RAD51B: variants seen among roughly 807,000 people sequenced by gnomAD.
RAD51B encodes the protein DNA repair protein RAD51 homolog 2.
Under a neutral mutation model 42.2 loss-of-function variants are expected in RAD51B, and 38 were observed. The observed-to-expected ratio is 0.90, with a 90% CI of 0.70 to 1.18. RAD51B has a LOEUF of 1.18. Ranked by LOEUF, RAD51B falls within the 50% of genes most tolerant of loss-of-function variation. The pLI is 0.00. For synonymous variants in RAD51B, 154 were observed against 145.2 expected, an observed-to-expected ratio of 1.06 and a Z score of -0.43; for missense variants, 373 against 400.7, an observed-to-expected ratio of 0.93 and a Z score of 0.59.
chr14:68,209,491 A>G (rs2079657933), intron 7 of RAD51B, among the ~76,000 whole-genome samples: 1 of 152,224 alleles, frequency 6.6e-6, no homozygotes, highest in Non-Finnish European at 1.5e-5. Context: ...ATTCCCTTCT[A>G]GAAGATGAGT....
intron 6 of RAD51B, among the ~76,000 whole-genome samples, chr14:67,886,319 C>T (rs954803297): frequency 1.3e-5 from 2 of 152,056 alleles, no homozygotes; most frequent in Non-Finnish European, 2.9e-5. Context: ...CTGGGAGTAG[C>T]TTAGCTGGGT....
Position 67,835,152 on chromosome 14 carries a change from G to A in RAD51B, c.271G>A (p.Asp91Asn), listed in dbSNP as rs1357649097. The A allele has an allele frequency of 6.2e-7, 1 of 1,614,062 alleles. No homozygotes were observed. The highest frequency in any genetic ancestry group is 1.7e-5 in the Admixed American group (1 of 60,010). The stretch of plus-strand genomic sequence containing the variant: ...CTTATCTACTACCCTTTCTGCTTTG[G>A]ACGAAGCCCTGCATGGTGGTGTGGC... ...AFLSTTLSAL[D>N]EALHGGVACG... The change falls in exon 4 of 11, where the codon GAC becomes AAC. Residue 91 changes from aspartate to asparagine, a missense_variant. By Grantham distance (23) the Asp-to-Asn change is conservative. Coordinates refer to ENST00000471583, the MANE Select transcript of RAD51B (RefSeq NM_133510.4).
intron 7 of RAD51B, among the ~76,000 whole-genome samples, chr14:68,018,476 G>A (rs577459028): frequency 6.6e-6 from 1 of 152,272 alleles, no homozygotes; most frequent in East Asian, 1.9e-4. Context: ...TGTAATATCT[G>A]TTACCACTCT....
At chr14:68,183,462 G>A (rs1383496871) in intron 7 of RAD51B, among the ~76,000 whole-genome samples, 1 of 152,162 alleles carries the variant, frequency 6.6e-6, no homozygotes, top group Non-Finnish European at 1.5e-5. Context: ...GGGTGGGTCT[G>A]CTTCTCCAAG....
Position 68,069,957 on chromosome 14 carries a change from G to C in RAD51B, c.756+182753G>C, listed in dbSNP as rs190192373. 6.6e-5 allele frequency among the ~76,000 whole-genome samples: 10 copies of C among 152,138 alleles called. No individual in the cohort carries two copies. In the East Asian group the frequency reaches 9.6e-4, roughly 15 times the overall value. On this transcript the variant is annotated intron_variant, in intron 7 of 10. Transcript: ENST00000471583. ...TAACCTCACCAGCATGTTATTTTTT[G>C]AGTTTTTAATAATGGCCAATCTGAC... is the stretch of plus-strand genomic sequence containing the variant.
intron 9 of RAD51B, among the ~76,000 whole-genome samples, chr14:68,457,864 C>G (rs2085741818): frequency 6.7e-6 from 1 of 148,248 alleles, no homozygotes; most frequent in South Asian, 2.1e-4. Flanking sequence ...ACGCCCACCT[C>G]AGCCTCCCAA....
At chr14:68,312,921 C>T (rs575492328) in intron 8 of RAD51B, among the ~76,000 whole-genome samples, 5 of 152,280 alleles carry the variant, frequency 3.3e-5, no homozygotes, top group African/African-American at 9.6e-5. Flanking sequence ...AAAATACCTT[C>T]GTTTTACTAA....
chr14:67,828,264 T>C (rs1001681409), intron 3 of RAD51B, among the ~76,000 whole-genome samples: 9 of 152,178 alleles, frequency 5.9e-5, no homozygotes, highest in African/African-American at 1.7e-4. Flanking sequence ...TTTTTTTCTA[T>C]GTTTGTTGGC....
At chr14:68,107,243 A>G (rs1189322904) in intron 7 of RAD51B, among the ~76,000 whole-genome samples, 2 of 151,828 alleles carry the variant, frequency 1.3e-5, no homozygotes. Context: ...AAAACCTAGT[A>G]CTTTTCACAT....
intron 9 of RAD51B, among the ~76,000 whole-genome samples, chr14:68,419,869 C>A (rs552137939): frequency 6.6e-6 from 1 of 152,278 alleles, no homozygotes; most frequent in East Asian, 1.9e-4. Context: ...CCATTTCCTG[C>A]CATCCTAGGG....
At chr14:67,918,800 A>G (rs2044235917) in intron 7 of RAD51B, among the ~76,000 whole-genome samples, 1 of 152,242 alleles carries the variant, frequency 6.6e-6, no homozygotes, top group Admixed American at 6.5e-5. Flanking sequence ...TATGACAAAC[A>G]TAGATTTCTA....
intron 10 of RAD51B, among the ~76,000 whole-genome samples, chr14:68,586,283 T>A (rs1369346604): frequency 6.6e-6 from 1 of 152,182 alleles, no homozygotes; most frequent in East Asian, 1.9e-4. Flanking sequence ...TCAGTCTTCT[T>A]CCATGGTGCA....
chr14:68,483,393 G>A (rs189553439), intron 10 of RAD51B, among the ~76,000 whole-genome samples: 11 of 152,160 alleles, frequency 7.2e-5, no homozygotes, highest in African/African-American at 2.4e-4. Flanking sequence ...GTCCACAGGT[G>A]ACCTTTTGAA....
chr14:68,517,689 A>C (rs1352043743), intron 10 of RAD51B, among the ~76,000 whole-genome samples: 1 of 152,186 alleles, frequency 6.6e-6, no homozygotes, highest in Non-Finnish European at 1.5e-5. Flanking sequence ...TCTTTGTGCA[A>C]AATTGTAATC....
chr14:67,821,973 T>C (rs1387974837), intron 1 of RAD51B, among the ~76,000 whole-genome samples: 1 of 151,960 alleles, frequency 6.6e-6, no homozygotes, highest in Non-Finnish European at 1.5e-5. Flanking sequence ...GAGGTGTGTA[T>C]GTATGTATAT....
chr14:68,559,783 G>A (rs1195149777), intron 10 of RAD51B, among the ~76,000 whole-genome samples: 1 of 152,190 alleles, frequency 6.6e-6, no homozygotes, highest in East Asian at 1.9e-4. Context: ...GGCAGGAAAG[G>A]TCTGTCGTCT....
intron 8 of RAD51B, among the ~76,000 whole-genome samples, chr14:68,319,509 T>C (rs2082120382): frequency 6.6e-6 from 1 of 152,202 alleles, no homozygotes. Flanking sequence ...GCTTTGAAAA[T>C]AGAATCAAGT....
intron 7 of RAD51B, among the ~76,000 whole-genome samples, chr14:68,075,864 T>A (rs1315817714): frequency 6.6e-6 from 1 of 152,222 alleles, no homozygotes; most frequent in Admixed American, 6.5e-5. Flanking sequence ...CCTTTGTTCC[T>A]TCCCCAGCCT....
At chr14:67,925,643 A>G (rs1473987497) in intron 7 of RAD51B, among the ~76,000 whole-genome samples, 1 of 152,122 alleles carries the variant, frequency 6.6e-6, no homozygotes, top group Non-Finnish European at 1.5e-5. Flanking sequence ...GCTCCCCAGT[A>G]GGGACTCTGT....
Sources: allele counts gnomAD v4.1 joint callset (sites outside exome capture counted in the v4.1 genomes callset), GRCh38; gene constraint gnomAD v4.1.1; transcripts MANE v1.5; gene names NCBI Gene and HGNC (gene_info 2026-07-23, HGNC 2026-07-21).